SGCZ: variants seen among roughly 807,000 people sequenced by gnomAD.
SGCZ encodes sarcoglycan zeta, also known as zeta-sarcoglycan.
In SGCZ, 40 loss-of-function variants were observed where a neutral mutation model predicts 41.3. The ratio of observed to expected loss-of-function variants is 0.97; its 90% CI spans 0.75 to 1.26. The LOEUF is 1.26. Ranked by LOEUF, SGCZ falls within the 50% of genes most tolerant of loss-of-function variation. The pLI is 0.00. For missense variants in SGCZ, 552 were observed against 369.8 expected, an observed-to-expected ratio of 1.49 and a Z score of -4.04; for synonymous variants, 206 against 137.5, an observed-to-expected ratio of 1.50 and a Z score of -3.49.
intron 1 of SGCZ, among the ~76,000 whole-genome samples, chr8:14,922,869 T>C (rs902267586): frequency 6.6e-6 from 1 of 152,170 alleles, no homozygotes; most frequent in Non-Finnish European, 1.5e-5. Context: ...CAAGGAACAT[T>C]TCTTAGGAGA....
intron 1 of SGCZ, among the ~76,000 whole-genome samples, chr8:14,865,790 G>C (rs562712144): frequency 9.9e-5 from 15 of 152,142 alleles, no homozygotes; most frequent in Admixed American, 3.3e-4. Context: ...TAGGGAACTA[G>C]CTAATTAAAG....
chr8:14,394,567 G>C (rs750548485), intron 2 of SGCZ, among the ~76,000 whole-genome samples: 3 of 152,010 alleles, frequency 2.0e-5, no homozygotes, highest in Admixed American at 6.6e-5. Flanking sequence ...TTGGTTTTAC[G>C]AGCCTTTTCT....
chr8:14,360,713 T>C (rs1024806879), intron 2 of SGCZ, among the ~76,000 whole-genome samples: 3 of 152,192 alleles, frequency 2.0e-5, no homozygotes, highest in Non-Finnish European at 2.9e-5. Context: ...TTTAAGGGCA[T>C]CTAAATTGTT....
chr8:14,391,424 T>C (rs1380624621), intron 2 of SGCZ, among the ~76,000 whole-genome samples: 1 of 152,182 alleles, frequency 6.6e-6, no homozygotes, highest in Non-Finnish European at 1.5e-5. Flanking sequence ...TATACCTATA[T>C]ACTAAGAGAT....
At chr8:14,479,179 T>G (rs563874671) in intron 2 of SGCZ, among the ~76,000 whole-genome samples, 1 of 152,082 alleles carries the variant, frequency 6.6e-6, no homozygotes, top group African/African-American at 2.4e-5. Flanking sequence ...ACCTCAAAAG[T>G]AGTGAAGCCG....
At chr8:14,547,177 A>G (rs1412316643) in intron 2 of SGCZ, among the ~76,000 whole-genome samples, 2 of 152,232 alleles carry the variant, frequency 1.3e-5, no homozygotes, top group Non-Finnish European at 2.9e-5. Context: ...CACTCTGTTC[A>G]TTAAAGAAAC....
chr8:14,339,654 G>A (rs1802633235), intron 2 of SGCZ, among the ~76,000 whole-genome samples: 2 of 152,156 alleles, frequency 1.3e-5, no homozygotes, highest in African/African-American at 4.8e-5. Flanking sequence ...TCTATTAGTG[G>A]AACACTTGCT....
At chr8:14,750,506 T>C (rs1799465749) in intron 1 of SGCZ, among the ~76,000 whole-genome samples, 1 of 152,160 alleles carries the variant, frequency 6.6e-6, no homozygotes, top group South Asian at 2.1e-4. Flanking sequence ...GCTGTCTTTA[T>C]GTGTCACTTT....
chr8:14,317,353 A>C (rs1801753235), intron 3 of SGCZ, among the ~76,000 whole-genome samples: 1 of 152,174 alleles, frequency 6.6e-6, no homozygotes, highest in African/African-American at 2.4e-5. Flanking sequence ...GGTTAACTAA[A>C]GTTACAAGTG....
chr8:14,995,693 C>T (rs1055954075), intron 1 of SGCZ, among the ~76,000 whole-genome samples: 1 of 152,142 alleles, frequency 6.6e-6, no homozygotes, highest in Admixed American at 6.5e-5. Context: ...TTAAGTTCAG[C>T]GTCTTCACAT....
intron 1 of SGCZ, among the ~76,000 whole-genome samples, chr8:14,995,797 T>C (rs561312078): frequency 5.9e-5 from 9 of 152,200 alleles, no homozygotes; most frequent in Non-Finnish European, 1.3e-4. Flanking sequence ...CTAAAATATC[T>C]AATATGCATT....
chr8:14,972,390 T>A (rs1801329242), intron 1 of SGCZ, among the ~76,000 whole-genome samples: 1 of 152,186 alleles, frequency 6.6e-6, no homozygotes, highest in Admixed American at 6.5e-5. Flanking sequence ...TTAACTTAGT[T>A]GTGCCTTCAT....
chr8:14,261,270 T>C (rs1585293349), intron 3 of SGCZ, among the ~76,000 whole-genome samples: 1 of 152,326 alleles, frequency 6.6e-6, no homozygotes, highest in African/African-American at 2.4e-5. Context: ...ATTTTAATCA[T>C]AATTTTTAAT....
chr8:14,569,672 G>A (rs1302829306), intron 1 of SGCZ, among the ~76,000 whole-genome samples: 1 of 152,150 alleles, frequency 6.6e-6, no homozygotes, highest in African/African-American at 2.4e-5. Flanking sequence ...AGGAGCTCAA[G>A]AATGCCAAGG....
At chr8:15,099,212 C>T (rs562139542) in intron 1 of SGCZ, among the ~76,000 whole-genome samples, 92 of 152,200 alleles carry the variant, frequency 6.0e-4, no homozygotes, top group Middle Eastern at 3.4e-3. Context: ...TTGTGATTGG[C>T]CTTGTGTCTT....
intron 2 of SGCZ, among the ~76,000 whole-genome samples, chr8:14,392,957 T>A (rs894487413): frequency 4.6e-5 from 7 of 152,158 alleles, no homozygotes; most frequent in African/African-American, 7.2e-5. Flanking sequence ...TTTATTACAC[T>A]TTGTACTTAA....
intron 1 of SGCZ, among the ~76,000 whole-genome samples, chr8:15,213,129 G>A (rs984533881): frequency 6.6e-6 from 1 of 151,922 alleles, no homozygotes; most frequent in African/African-American, 2.4e-5. Flanking sequence ...AAGCATAATT[G>A]TATACTAAAT....
intron 2 of SGCZ, among the ~76,000 whole-genome samples, chr8:14,399,905 A>C (rs952797218): frequency 1.3e-5 from 2 of 152,064 alleles, no homozygotes; most frequent in African/African-American, 4.8e-5. Flanking sequence ...GTATACTTCC[A>C]AAATTGGGCA....
chr8:14,196,778 G>T (rs372129623), intron 4 of SGCZ, among the ~76,000 whole-genome samples: 1 of 151,976 alleles, frequency 6.6e-6, no homozygotes, highest in East Asian at 1.9e-4. Flanking sequence ...GAAACCAGCC[G>T]CCAAAACTAT....
Sources: allele counts gnomAD v4.1 joint callset (sites outside exome capture counted in the v4.1 genomes callset), GRCh38; gene constraint gnomAD v4.1.1; transcripts MANE v1.5; gene names NCBI Gene and HGNC (gene_info 2026-07-23, HGNC 2026-07-21).